Variants in VPS13B observed in about 807,000 individuals in gnomAD.
The protein encoded by VPS13B is vacuolar protein sorting 13 homolog B.
In VPS13B, 285 loss-of-function variants were observed where a neutral mutation model predicts 426.4. The ratio of observed to expected loss-of-function variants is 0.67; its 90% CI spans 0.61 to 0.74. The LOEUF (loss-of-function observed/expected upper bound fraction) is 0.74. VPS13B is among the 30% of genes least tolerant of loss of function. VPS13B has a pLI of 0.00. For synonymous variants in VPS13B, 1,676 were observed against 1,676.4 expected (o/e 1.00, Z 0.01); for missense variants, 4,537 against 4,782.6 (o/e 0.95, Z 1.51).
chr8:99,050,316 A>C (rs577063486), intron 3 of VPS13B, among the ~76,000 whole-genome samples: 5 of 152,004 alleles, frequency 3.3e-5, no homozygotes, highest in Non-Finnish European at 5.9e-5. Flanking sequence ...TAGTTTGCTG[A>C]GAATGATGGT....
At chr8:99,508,671 T>A (rs1047183397) in intron 28 of VPS13B, among the ~76,000 whole-genome samples, 31 of 152,152 alleles carry the variant, frequency 2.0e-4, no homozygotes, top group Non-Finnish European at 4.4e-5. Flanking sequence ...AAAACATTCT[T>A]AATAATTTTA....
intron 40 of VPS13B, among the ~76,000 whole-genome samples, chr8:99,771,146 G>A (rs1811467913): frequency 2.0e-5 from 3 of 152,186 alleles, no homozygotes; most frequent in Admixed American, 2.0e-4. Context: ...TAACACAATA[G>A]TAACTGTGCA....
intron 35 of VPS13B, among the ~76,000 whole-genome samples, chr8:99,689,508 A>G (rs1013676389): frequency 5.3e-5 from 8 of 152,136 alleles, no homozygotes; most frequent in African/African-American, 1.9e-4. Flanking sequence ...AAAGTGATCC[A>G]AAGTCTGAGT....
chr8:99,702,139 C>T (rs181382628), intron 36 of VPS13B, among the ~76,000 whole-genome samples: 1 of 152,182 alleles, frequency 6.6e-6, no homozygotes, highest in Admixed American at 6.5e-5. Flanking sequence ...TCCACCACCA[C>T]CAAAAAGCAA....
At chr8:99,487,182 G>C (rs1297490567) in intron 25 of VPS13B, among the ~76,000 whole-genome samples, 1 of 151,752 alleles carries the variant, frequency 6.6e-6, no homozygotes, top group East Asian at 1.9e-4. Flanking sequence ...CAAGCACAGA[G>C]GGTAGTGAAG....
chr8:99,405,879 A>G (rs951118662), intron 21 of VPS13B, among the ~76,000 whole-genome samples: 1 of 151,094 alleles, frequency 6.6e-6, no homozygotes, highest in African/African-American at 2.4e-5. Context: ...TCCCAGTTTC[A>G]AGCGATTCTC....
chr8:99,297,386 CTT>C (rs34820957), intron 19 of VPS13B, among the ~76,000 whole-genome samples: 10,876 of 152,062 alleles, frequency 0.072, 567 homozygotes, highest in African/African-American at 0.15. Flanking sequence ...ACATTTGTAA[CTT>C]TATATTTTGG....
intron 52 of VPS13B, among the ~76,000 whole-genome samples, chr8:99,833,130 A>T (rs1344547566): frequency 6.6e-6 from 1 of 152,236 alleles, no homozygotes; most frequent in African/African-American, 2.4e-5. Context: ...ATTAAGAGAG[A>T]TAACTTAGAT....
chr8:99,244,245 G>A (rs1479936618), intron 17 of VPS13B, among the ~76,000 whole-genome samples: 1 of 152,156 alleles, frequency 6.6e-6, no homozygotes, highest in Non-Finnish European at 1.5e-5. Flanking sequence ...CATATAAGCT[G>A]TTTTCTTACA....
chr8:99,473,527 A>G (rs961176170), intron 24 of VPS13B, among the ~76,000 whole-genome samples: 3 of 152,130 alleles, frequency 2.0e-5, no homozygotes, highest in African/African-American at 7.2e-5. Flanking sequence ...AAACTGATAG[A>G]GATCATATAA....
At chr8:99,764,492 C>T (rs1811106601) in intron 39 of VPS13B, among the ~76,000 whole-genome samples, 1 of 145,794 alleles carries the variant, frequency 6.9e-6, no homozygotes, top group South Asian at 2.2e-4. Context: ...TGGCTCATGG[C>T]AACCTCCACC....
intron 2 of VPS13B, among the ~76,000 whole-genome samples, chr8:99,031,226 C>T (rs908625654): frequency 2.0e-5 from 3 of 151,954 alleles, no homozygotes. Context: ...TTCTTCAATG[C>T]CAAGATTTCT....
intron 21 of VPS13B, among the ~76,000 whole-genome samples, chr8:99,401,257 G>A (rs894823089): frequency 1.3e-5 from 2 of 152,024 alleles, no homozygotes; most frequent in Non-Finnish European, 2.9e-5. Flanking sequence ...GGATAGTATT[G>A]CCTTTTTTAT....
At chr8:99,246,466 G>A (rs1817223534) in intron 17 of VPS13B, among the ~76,000 whole-genome samples, 1 of 152,170 alleles carries the variant, frequency 6.6e-6, no homozygotes, top group East Asian at 1.9e-4. Context: ...ATTATCAATG[G>A]CTGTTTTGTG....
At chr8:99,308,607 CT>C (rs1286788178) in intron 19 of VPS13B, among the ~76,000 whole-genome samples, 2 of 152,058 alleles carry the variant, frequency 1.3e-5, no homozygotes, top group African/African-American at 4.8e-5. Context: ...GGTTCCAAGT[CT>C]TTGCTATTGT....
chr8:99,332,945 A>G (rs1810624540), intron 19 of VPS13B, among the ~76,000 whole-genome samples: 1 of 151,680 alleles, frequency 6.6e-6, no homozygotes, highest in Non-Finnish European at 1.5e-5. Flanking sequence ...AAATAGTAAA[A>G]TGATTCCAAG....
chr8:99,274,664 A>G (rs1336480753), intron 18 of VPS13B, among the ~76,000 whole-genome samples: 2 of 152,138 alleles, frequency 1.3e-5, no homozygotes, highest in Non-Finnish European at 2.9e-5. Flanking sequence ...TTATTGTAAT[A>G]TAATTAAATA....
chr8:99,788,196 A>T (rs376583795), intron 43 of VPS13B, among the ~76,000 whole-genome samples: 6 of 151,688 alleles, frequency 4.0e-5, no homozygotes, highest in African/African-American at 9.7e-5. Flanking sequence ...CAATCTCTAT[A>T]AAAAAACTTA....
intron 23 of VPS13B, among the ~76,000 whole-genome samples, chr8:99,459,070 A>G (rs1045883638): frequency 1.3e-5 from 2 of 151,950 alleles, no homozygotes; most frequent in Admixed American, 6.6e-5. Context: ...ATTTAAGTCC[A>G]TTGTGGTCAG....
Sources: gnomAD v4.1 joint callset for allele counts (sites outside exome capture counted in the v4.1 genomes callset) on GRCh38, gnomAD v4.1.1 for gene constraint, MANE v1.5 for transcripts, NCBI Gene and HGNC (gene_info 2026-07-23, HGNC 2026-07-21) for gene names.